SLC39A11: variants seen among roughly 807,000 people sequenced by gnomAD.
The protein encoded by SLC39A11 is zinc transporter ZIP11.
In SLC39A11, 33 loss-of-function variants were observed where a neutral mutation model predicts 36.1. The observed-to-expected ratio is 0.91, with a 90% CI of 0.69 to 1.22. The LOEUF is 1.22. Among genes scored for constraint, SLC39A11 ranks in the 50% most tolerant of loss-of-function variants. The probability of loss-of-function intolerance (pLI) is 0.00; values close to 1 mark genes in which losing one functional copy is unlikely to be tolerated. For synonymous variants in SLC39A11, 166 were observed against 170.3 expected, an observed-to-expected ratio of 0.97 and a Z score of 0.20; for missense variants, 432 against 430.3, an observed-to-expected ratio of 1.00 and a Z score of -0.03.
At chr17:73,024,076 G>A (rs953948662) in intron 4 of SLC39A11, among the ~76,000 whole-genome samples, 48 of 152,202 alleles carry the variant, frequency 3.2e-4, no homozygotes, top group African/African-American at 1.1e-3. Flanking sequence ...CAGCCCCAGC[G>A]AAATAATACA....
At chr17:72,889,717 G>A (rs1314663081) in intron 5 of SLC39A11, among the ~76,000 whole-genome samples, 1 of 152,070 alleles carries the variant, frequency 6.6e-6, no homozygotes, top group African/African-American at 2.4e-5. Context: ...ATTAAGATTT[G>A]GCTGTTGCAT....
intron 6 of SLC39A11, among the ~76,000 whole-genome samples, chr17:72,773,522 G>A (rs778392372): frequency 3.6e-4 from 55 of 152,016 alleles, no homozygotes; most frequent in Non-Finnish European, 1.6e-4. Context: ...CCATGATTGT[G>A]AGGCCTCCCC....
At chr17:73,055,654 G>A (rs1033374540) in intron 3 of SLC39A11, among the ~76,000 whole-genome samples, 1 of 152,012 alleles carries the variant, frequency 6.6e-6, no homozygotes, top group Non-Finnish European at 1.5e-5. Context: ...CAGGGGTGGA[G>A]GGGAGCGGAG....
Position 73,066,436 on chromosome 17 carries a change from T to C in SLC39A11, c.147+18372A>G, listed in dbSNP as rs76454587. ...AGGTGTTTTCTAACCATACTCCACA[T>C]TTACAGTCTGTTAACTACCCAACAT... On this transcript the variant is annotated intron_variant, in intron 3 of 9. Transcript: ENST00000255559. 1.0e-3 allele frequency among the ~76,000 whole-genome samples: 159 copies of C among 152,322 alleles called. 1 individual carries two copies. Among genetic ancestry groups the C allele is most frequent in the South Asian group, 3.1e-3 (15 of 4,828 alleles).
At chr17:72,836,366 G>T (rs2078545264) in intron 6 of SLC39A11, among the ~76,000 whole-genome samples, 1 of 150,670 alleles carries the variant, frequency 6.6e-6, no homozygotes, top group Non-Finnish European at 1.5e-5. Context: ...TTTGAGACAG[G>T]GTCTCGCTCT....
chr17:73,042,317 C>A (rs549028765), intron 3 of SLC39A11, among the ~76,000 whole-genome samples: 4 of 152,164 alleles, frequency 2.6e-5, no homozygotes, highest in South Asian at 2.1e-4. Flanking sequence ...CTCTTCACAC[C>A]TCTAAAAAGG....
chr17:73,046,568 C>T (rs2059299299), intron 3 of SLC39A11, among the ~76,000 whole-genome samples: 2 of 152,160 alleles, frequency 1.3e-5, no homozygotes, highest in South Asian at 2.1e-4. Context: ...GTCCCTAATA[C>T]TACATGTTTT....
At chr17:73,039,197 G>A (rs897700528) in intron 3 of SLC39A11, among the ~76,000 whole-genome samples, 27 of 152,134 alleles carry the variant, frequency 1.8e-4, no homozygotes, top group African/African-American at 5.8e-4. Context: ...ACCCCAACCC[G>A]ATTCCCAGCA....
intron 7 of SLC39A11, among the ~76,000 whole-genome samples, chr17:72,677,739 A>G (rs2071335569): frequency 6.6e-6 from 1 of 152,202 alleles, no homozygotes; most frequent in South Asian, 2.1e-4. Context: ...TGAAGCTAGA[A>G]AGACTCCCTC....
rs2072906594 is a variant in SLC39A11, at chr17:72,706,670, G to T, written c.671+29980C>A. ...CTGCTTCTGTTTTTCTTCCCCTCATGACCCAAGTTAGAGCTTGCTTAATTT... is the reference window on the plus strand; with the variant it reads ...CTGCTTCTGTTTTTCTTCCCCTCATTACCCAAGTTAGAGCTTGCTTAATTT... On this transcript the variant is annotated intron_variant, in intron 7 of 9. Coordinates refer to ENST00000255559, the MANE Select transcript of SLC39A11 (RefSeq NM_139177.4). Among the ~76,000 whole-genome samples, 3 of 152,220 alleles carry T rather than the reference G, an allele frequency of 2.0e-5. No homozygotes were observed. The South Asian group carries it at 6.2e-4, about 32-fold the overall frequency.
intron 5 of SLC39A11, among the ~76,000 whole-genome samples, chr17:72,868,631 A>T (rs1409504982): frequency 6.9e-6 from 1 of 144,154 alleles, no homozygotes; most frequent in African/African-American, 2.6e-5. Context: ...AAAAAAAAAA[A>T]AAAAAAAAAA....
At chr17:72,935,868 C>A (rs899967371) in intron 5 of SLC39A11, among the ~76,000 whole-genome samples, 1 of 151,908 alleles carries the variant, frequency 6.6e-6, no homozygotes, top group Non-Finnish European at 1.5e-5. Context: ...CAGGCATGAG[C>A]CACTGTGCCT....
chr17:72,751,617 G>A (rs901575693), intron 6 of SLC39A11, among the ~76,000 whole-genome samples: 2 of 151,764 alleles, frequency 1.3e-5, no homozygotes, highest in South Asian at 2.1e-4. Flanking sequence ...TTGCTCCGTC[G>A]CCCAGGCTGG....
chr17:72,914,013 G>A (rs7406188), intron 5 of SLC39A11, among the ~76,000 whole-genome samples: 85,101 of 147,256 alleles, frequency 0.58, 25,061 homozygotes, highest in African/African-American at 0.67. Flanking sequence ...ATAATTGAAA[G>A]AAAAAAAAAG....
intron 6 of SLC39A11, among the ~76,000 whole-genome samples, chr17:72,843,648 T>A (rs1379600398): frequency 6.6e-6 from 1 of 152,160 alleles, no homozygotes; most frequent in African/African-American, 2.4e-5. Context: ...GCTTCCAGCT[T>A]CCAGAACTGC....
chr17:73,046,768 C>A (rs1451361529), intron 3 of SLC39A11, among the ~76,000 whole-genome samples: 1 of 151,902 alleles, frequency 6.6e-6, no homozygotes, highest in African/African-American at 2.4e-5. Context: ...ATGGCAAAAC[C>A]CCATCTCCAC....
intron 6 of SLC39A11, among the ~76,000 whole-genome samples, chr17:72,810,884 C>T (rs945034021): frequency 6.6e-6 from 1 of 152,004 alleles, no homozygotes; most frequent in African/African-American, 2.4e-5. Flanking sequence ...AAGAGTTTCA[C>T]CATGTTGGCT....
At chr17:72,940,062 T>C (rs138098972) in intron 5 of SLC39A11, among the ~76,000 whole-genome samples, 26 of 152,318 alleles carry the variant, frequency 1.7e-4, no homozygotes, top group South Asian at 6.2e-4. Context: ...ATATGTACTT[T>C]GTTGTGACAG....
intron 5 of SLC39A11, among the ~76,000 whole-genome samples, chr17:72,943,039 CA>C (rs777673852): frequency 2.6e-5 from 4 of 152,130 alleles, no homozygotes; most frequent in African/African-American, 9.7e-5. Flanking sequence ...GGATGTTTAA[CA>C]GGGAAAATGG....
Sources: allele counts gnomAD v4.1 joint callset (sites outside exome capture counted in the v4.1 genomes callset), GRCh38; gene constraint gnomAD v4.1.1; transcripts MANE v1.5; gene names NCBI Gene and HGNC (gene_info 2026-07-23, HGNC 2026-07-21).